The following RNF17 variants were observed in gnomAD, a reference collection of about 807,000 sequenced individuals.
RNF17 encodes ring finger protein 17, also known as spermatogenesis associated 23.
RNF17 carries 31 observed loss-of-function variants against 200.5 expected under a neutral mutation model. The observed-to-expected ratio is 0.15, with a 90% CI of 0.12 to 0.21. RNF17 has a LOEUF of 0.21. Ranked by LOEUF, RNF17 falls within the 10% of genes least tolerant of loss-of-function variation. RNF17 has a pLI of 1.00. For missense variants in RNF17, 1,628 were observed against 1,905.1 expected (o/e 0.85, Z 2.71); for synonymous variants, 606 against 637.8 (o/e 0.95, Z 0.75).
intron 18 of RNF17, 107 bp from the exon 19 acceptor site, chr13:24,841,934 C>A (rs1161502441): frequency 1.1e-6 from 1 of 918,782 alleles, no homozygotes; most frequent in Admixed American, 2.5e-5. Context: ...CCACTGCACT[C>A]CAGCCTGGGC....
chr13:24,803,595 T>G (rs1219187070), intron 14 of RNF17: 2 of 152,274 alleles, frequency 1.3e-5, no homozygotes, highest in Non-Finnish European at 2.9e-5. Flanking sequence ...GTCCATCATT[T>G]CTGATGACTT....
At chr13:24,763,114 C>T (rs1019053890), upstream of RNF17, among the ~76,000 whole-genome samples, 2 of 149,012 alleles carry the variant, frequency 1.3e-5, no homozygotes, top group Admixed American at 1.4e-4. Context: ...CCTATATCCT[C>T]TACGAAGAGT....
downstream of RNF17, among the ~76,000 whole-genome samples, chr13:24,880,699 C>T (rs923273864): frequency 3.9e-5 from 6 of 152,080 alleles, no homozygotes; most frequent in Non-Finnish European, 7.4e-5. Context: ...TATACATGAG[C>T]GGCTTTCTAG....
intron 16 of RNF17, among the ~76,000 whole-genome samples, chr13:24,828,622 A>C (rs1167222077): frequency 7.0e-6 from 1 of 142,566 alleles, no homozygotes; most frequent in Non-Finnish European, 1.5e-5. Flanking sequence ...TAGTTGTATC[A>C]CAATTTTTCA....
Position 24,824,005 on chromosome 13 carries a change from G to T in RNF17, c.2092-1614G>T, listed in dbSNP as rs567635870. The stretch of plus-strand genomic sequence containing the variant: ...CACAGTAATTTGCATATAAGTTCTG[G>T]TCTGTTCCCTCTGGTTCAGGGGAGG... On this transcript the variant is annotated intron_variant, in intron 15 of 35. Coordinates refer to ENST00000255324, the MANE Select transcript of RNF17 (RefSeq NM_031277.3). Among the ~76,000 whole-genome samples the T allele has an allele frequency of 5.3e-5, 8 of 152,294 alleles. No individual in the cohort carries two copies. In the South Asian group the frequency reaches 1.7e-3, roughly 32 times the overall value.
intron 32 of RNF17, among the ~76,000 whole-genome samples, chr13:24,871,592 C>G (rs1894256352): frequency 6.6e-6 from 1 of 150,998 alleles, no homozygotes; most frequent in Non-Finnish European, 1.5e-5. Context: ...CCCACCTTGA[C>G]CAAAATGCTG....
chr13:24,748,836 G>A, the RNF17 span, among the ~76,000 whole-genome samples: 5 of 151,378 alleles, frequency 3.3e-5, no homozygotes, highest in Non-Finnish European at 7.4e-5. Context: ...TGCAACCTCC[G>A]CCTCCCGGGT....
At chr13:24,842,233 T>C (rs1890718009) in intron 19 of RNF17, 72 bp downstream of exon 19, 1 of 1,324,304 alleles carries the variant, frequency 7.6e-7, no homozygotes, top group African/African-American at 1.5e-5. Flanking sequence ...GAAGGGAAAC[T>C]GGCATATCAT....
intron 15 of RNF17, among the ~76,000 whole-genome samples, chr13:24,816,223 C>T (rs1172047853): frequency 2.6e-5 from 4 of 152,106 alleles, no homozygotes; most frequent in Non-Finnish European, 5.9e-5. Flanking sequence ...ATGTCATTAT[C>T]CTTGCATTTT....
chr13:24,774,760 T>C, intron 2 of RNF17, 53 bp from the exon 3 acceptor site: 1 of 1,066,296 alleles, frequency 9.4e-7, no homozygotes, highest in Non-Finnish European at 1.4e-6. Flanking sequence ...AGGTTCTGGA[T>C]AGGCATAATT....
intron 15 of RNF17, among the ~76,000 whole-genome samples, chr13:24,818,288 C>A (rs1160631382): frequency 6.6e-6 from 1 of 151,884 alleles, no homozygotes; most frequent in East Asian, 1.9e-4. Flanking sequence ...ATTTTGCAGC[C>A]TAACATATGG....
chr13:24,855,328 G>A (rs1488791529), intron 25 of RNF17, among the ~76,000 whole-genome samples: 1 of 151,900 alleles, frequency 6.6e-6, no homozygotes, highest in East Asian at 1.9e-4. Flanking sequence ...ATAATCTAGT[G>A]AACAGAATTG....
chr13:24,750,735 G>C, the RNF17 span: 3 of 152,010 alleles, frequency 2.0e-5, no homozygotes, highest in Non-Finnish European at 4.4e-5. Context: ...TTAAATGATG[G>C]CATTCATTGA....
At chr13:24,835,031 G>A (rs1168674828) in intron 18 of RNF17, among the ~76,000 whole-genome samples, 3 of 152,084 alleles carry the variant, frequency 2.0e-5, no homozygotes, top group Non-Finnish European at 4.4e-5. Context: ...TGGGCGCTGG[G>A]TGAGGCCTGT....
At chr13:24,859,421 C>T (rs1408586391) in intron 26 of RNF17, among the ~76,000 whole-genome samples, 2 of 152,142 alleles carry the variant, frequency 1.3e-5, no homozygotes, top group South Asian at 2.1e-4. Context: ...TAATTGGTAG[C>T]CCTGTTTCCA....
intron 18 of RNF17, among the ~76,000 whole-genome samples, chr13:24,838,645 G>A (rs1890272156): frequency 6.6e-6 from 1 of 151,998 alleles, no homozygotes; most frequent in Non-Finnish European, 1.5e-5. Flanking sequence ...AAACTCCCAG[G>A]AATTTGGCAT....
chr13:24,791,090 G>A (rs1883788500), intron 9 of RNF17, among the ~76,000 whole-genome samples: 1 of 152,134 alleles, frequency 6.6e-6, no homozygotes, highest in Non-Finnish European at 1.5e-5. Context: ...GCCACTAAAA[G>A]GTTTTAAGCA....
At chr13:24,764,396 G>A in intron 1 of RNF17, 63 bp downstream of exon 1, 1 of 1,500,934 alleles carries the variant, frequency 6.7e-7, no homozygotes, top group Non-Finnish European at 9.0e-7. Context: ...GGGGCCAGGT[G>A]AGCTGGTGGG....
chr13:24,786,100 A>G (rs1302620504), intron 6 of RNF17, among the ~76,000 whole-genome samples: 1 of 151,928 alleles, frequency 6.6e-6, no homozygotes, highest in Non-Finnish European at 1.5e-5. Context: ...TATTTCCTCC[A>G]TTACTGCCTT....
Sources: gnomAD v4.1 joint callset for allele counts (sites outside exome capture counted in the v4.1 genomes callset) on GRCh38, gnomAD v4.1.1 for gene constraint, MANE v1.5 for transcripts, NCBI Gene and HGNC (gene_info 2026-07-23, HGNC 2026-07-21) for gene names.